IL2RA: variants seen among roughly 807,000 people sequenced by gnomAD.
IL2RA encodes the protein interleukin-2 receptor subunit alpha.
In IL2RA, 24 loss-of-function variants were observed where a neutral mutation model predicts 37.8. The ratio of observed to expected loss-of-function variants is 0.63; its 90% CI spans 0.46 to 0.89. The LOEUF (loss-of-function observed/expected upper bound fraction) is 0.89. IL2RA is among the 40% of genes least tolerant of loss of function. The pLI is 0.00. For synonymous variants in IL2RA, 125 were observed against 114.6 expected, an observed-to-expected ratio of 1.09 and a Z score of -0.58; for missense variants, 319 against 348.6, an observed-to-expected ratio of 0.92 and a Z score of 0.68.
Position 6,020,093 on chromosome 10 carries a change from G to A in IL2RA, c.584-152C>T, listed in dbSNP as rs1165547112. The A allele has an allele frequency of 1.5e-6, 1 of 670,698 alleles. No individual in the cohort carries two copies. Among genetic ancestry groups the A allele is most frequent in the Non-Finnish European group, 2.7e-6 (1 of 370,496 alleles). The allele number at this position is 670,698 out of a possible 1,614,324, so 41.5% of individuals were successfully genotyped here. On this transcript the variant is annotated intron_variant, in intron 4 of 7. Transcript: ENST00000379959. This position sits in a 1 kb window ranked among gnomAD's most constrained non-coding sequence, Gnocchi z 5.6. Reference sequence around the variant, plus strand: ...TTCGCCAGGGATGCCACCCCTCATGGTTCCACAGCAGGGGCACTGGGAAGC... The same window carrying A: ...TTCGCCAGGGATGCCACCCCTCATGATTCCACAGCAGGGGCACTGGGAAGC...
At chr10:6,043,818 G>A (rs966308588) in intron 1 of IL2RA, among the ~76,000 whole-genome samples, 3 of 152,284 alleles carry the variant, frequency 2.0e-5, no homozygotes, top group Middle Eastern at 3.4e-3. Flanking sequence ...CTGATGATGG[G>A]CACATGTTGG....
intron 1 of IL2RA, among the ~76,000 whole-genome samples, chr10:6,050,442 G>T (rs1839931906): frequency 6.6e-6 from 1 of 152,128 alleles, no homozygotes; most frequent in Non-Finnish European, 1.5e-5. Context: ...TTTGAGACCA[G>T]CCTGGCCAAC....
At position 6,019,512 on chromosome 10, in the gene IL2RA, G is replaced by A; in HGVS notation, c.656-13C>T. ...TGTATTTGAAAATCTGTGAAAAAGA[G>A]ATAAAGAGAGACACTCCTGCTACCG... On this transcript the variant is annotated splice_polypyrimidine_tract_variant and intron_variant, in intron 5 of 7. Transcript: ENST00000379959. 1 of 1,592,634 alleles carries A rather than the reference G, an allele frequency of 6.3e-7. No homozygotes were observed. Among genetic ancestry groups the A allele is most frequent in the Non-Finnish European group, 8.6e-7 (1 of 1,160,378 alleles).
At chr10:6,023,673 G>A (rs7913476) in intron 3 of IL2RA, among the ~76,000 whole-genome samples, 147,503 of 152,354 alleles carry the variant, frequency 0.97, 71,586 homozygotes, top group East Asian at 1. Context: ...CAATTCAGTC[G>A]TGGGAAAGCA....
In IL2RA at chr10:6,012,634, G is replaced by A. The variant is rs1043477456; in HGVS notation, c.*238C>T. The A allele has an allele frequency of 5.7e-5, 34 of 594,768 alleles. No individual in the cohort carries two copies. Among genetic ancestry groups the A allele is most frequent in the Non-Finnish European group, 7.8e-5 (26 of 331,858 alleles). 36.8% of individuals were successfully genotyped at this position (594,768 alleles called of 1,614,324 possible). A position where few individuals can be genotyped will look rare whatever the true frequency, so the allele number is the denominator to read the frequency against. On this transcript the variant is annotated 3_prime_UTR_variant, in exon 8 of 8. Coordinates refer to ENST00000379959, the MANE Select transcript of IL2RA (RefSeq NM_000417.3). This position sits in a 1 kb window ranked among gnomAD's most constrained non-coding sequence, Gnocchi z 4.8. ...AGTGGTTTTGCCCTTCCTCTTCAAC[G>A]GCGAAATTGCTATTTAGAAGTGGGT...
Position 6,028,248 on chromosome 10 carries a change from A to C in IL2RA, c.65-2223T>G, listed in dbSNP as rs1031789936. 1.9e-4 allele frequency among the ~76,000 whole-genome samples: 29 copies of C among 152,266 alleles called. No homozygotes were observed. Among genetic ancestry groups the C allele is most frequent in the African/African-American group, 7.0e-4 (29 of 41,544 alleles). Reference sequence around the variant, plus strand: ...AGGACACTGCATGAAGGTCGCCCCAAAATTATGTATAGGGGTCCACCTCAG... The same window carrying C: ...AGGACACTGCATGAAGGTCGCCCCACAATTATGTATAGGGGTCCACCTCAG... On this transcript the variant is annotated intron_variant, in intron 1 of 7. Coordinates refer to ENST00000379959, the MANE Select transcript of IL2RA (RefSeq NM_000417.3). The surrounding 1 kb of genome is among the most constrained non-coding windows in gnomAD (Gnocchi z 4.1).
rs1839659473 is a variant in IL2RA, at chr10:6,035,079, C to T, written c.65-9054G>A. 6.6e-6 allele frequency among the ~76,000 whole-genome samples: 1 copy of T among 152,188 alleles called. No homozygotes were observed. Among genetic ancestry groups the T allele is most frequent in the Non-Finnish European group, 1.5e-5 (1 of 68,026 alleles). ...AACACTCAAGGCTTAGAAATTGGGG[C>T]TCCCCACCCTGCACTAGGGTCTCAC... On this transcript the variant is annotated intron_variant, in intron 1 of 7. Transcript: ENST00000379959. The surrounding 1 kb of genome is among the most constrained non-coding windows in gnomAD (Gnocchi z 5.4).
rs1839668638 is a variant in IL2RA, at chr10:6,035,663, T to C, written c.65-9638A>G. 6.6e-6 allele frequency among the ~76,000 whole-genome samples: 1 copy of C among 152,210 alleles called. No individual in the cohort carries two copies. The highest frequency in any genetic ancestry group is 1.9e-4 in the East Asian group (1 of 5,196). The stretch of plus-strand genomic sequence containing the variant: ...CTTCCTCTTTAGTTTTTGTGCCTTT[T>C]ATGTGGGCAGAGGGAAAAAGAGACA... On this transcript the variant is annotated intron_variant, in intron 1 of 7. Transcript: ENST00000379959. The surrounding 1 kb of genome is among the most constrained non-coding windows in gnomAD (Gnocchi z 5.4).
chr10:6,030,885 A>ACC, intron 1 of IL2RA, among the ~76,000 whole-genome samples: 1 of 152,316 alleles, frequency 6.6e-6, no homozygotes, highest in African/African-American at 2.4e-5. Flanking sequence ...AGGTTTTTAT[A>ACC]TCATATAGAA....
rs1839749560 is a variant in IL2RA, at chr10:6,040,161, T to C, written c.65-14136A>G. On this transcript the variant is annotated intron_variant, in intron 1 of 7. Coordinates refer to ENST00000379959, the MANE Select transcript of IL2RA (RefSeq NM_000417.3). ...TGTAAAATGCTCCACAAATTTTGAT[T>C]GTTGCTACAATGACCTCTTGAGCGG... Among the ~76,000 whole-genome samples the C allele has an allele frequency of 3.9e-5, 6 of 152,366 alleles. No homozygotes were observed. In the Middle Eastern group the frequency reaches 0.02, roughly 518 times the overall value.
In IL2RA at chr10:6,046,619, T is replaced by C. The variant is rs1839865175; in HGVS notation, c.64+15469A>G. 6.6e-6 allele frequency among the ~76,000 whole-genome samples: 1 copy of C among 152,150 alleles called. No individual in the cohort carries two copies. Among genetic ancestry groups the C allele is most frequent in the Non-Finnish European group, 1.5e-5 (1 of 68,030 alleles). ...GTCTTTGTATTCATCTGTGAGTGGG[T>C]CAAAATGCCTGTCTGCTGCCCTGGC... On this transcript the variant is annotated intron_variant, in intron 1 of 7. Transcript: ENST00000379959. This position sits in a 1 kb window ranked among gnomAD's most constrained non-coding sequence, Gnocchi z 4.8.
chr10:6,049,402 C>G (rs1374265305), intron 1 of IL2RA, among the ~76,000 whole-genome samples: 1 of 152,196 alleles, frequency 6.6e-6, no homozygotes, highest in East Asian at 1.9e-4. Context: ...CTATTCAATT[C>G]AAATGCTAGT....
In IL2RA at chr10:6,024,238, T is replaced by C. The variant is rs760755087; in HGVS notation, c.367+6A>G. ...GAGTTAGCTGGAGGACAGATTCATC[T>C]CTCACCTGGAAGGCTCGCTTGGTCC... On this transcript the variant is annotated splice_donor_region_variant and intron_variant, in intron 3 of 7. Coordinates refer to ENST00000379959, the MANE Select transcript of IL2RA (RefSeq NM_000417.3). 7 of 1,592,392 alleles carry C rather than the reference T, an allele frequency of 4.4e-6. No homozygotes were observed. The South Asian group carries it at 7.7e-5, about 18-fold the overall frequency.
intron 1 of IL2RA, among the ~76,000 whole-genome samples, chr10:6,040,313 T>C (rs1331037215): frequency 1.3e-5 from 2 of 152,254 alleles, no homozygotes; most frequent in African/African-American, 2.4e-5. Context: ...TTTGAATTCA[T>C]ATTCTAAGAA....
Position 6,062,212 on chromosome 10 carries a change from C to G in IL2RA, c.-61G>C, listed in dbSNP as rs1344522667. The G allele has an allele frequency of 7.1e-7, 1 of 1,409,320 alleles. No homozygotes were observed. Among genetic ancestry groups the G allele is most frequent in the Non-Finnish European group, 1.0e-6 (1 of 994,364 alleles). The allele number at this position is 1,409,320 out of a possible 1,614,324, so 87.3% of individuals were successfully genotyped here. A position where few individuals can be genotyped will look rare whatever the true frequency, so the allele number is the denominator to read the frequency against. Reference sequence around the variant, plus strand: ...CGGAGGTCTTTCTCTGCAGAAGGCCCAGTTGCCGTCAGCCTCTTTTTGGCA... The same window carrying G: ...CGGAGGTCTTTCTCTGCAGAAGGCCGAGTTGCCGTCAGCCTCTTTTTGGCA... On this transcript the variant is annotated 5_prime_UTR_variant, in exon 1 of 8. Coordinates refer to ENST00000379959, the MANE Select transcript of IL2RA (RefSeq NM_000417.3).
At position 6,054,753 on chromosome 10, in the gene IL2RA, T is replaced by C. The variant is rs1840016576; in HGVS notation, c.64+7335A>G. On this transcript the variant is annotated intron_variant, in intron 1 of 7. Coordinates refer to ENST00000379959, the MANE Select transcript of IL2RA (RefSeq NM_000417.3). This position sits in a 1 kb window ranked among gnomAD's most constrained non-coding sequence, Gnocchi z 4.5. Reference sequence around the variant, plus strand: ...GTCCCAGGGCCACCTTCTCTGAGAATTTTTTTTCTAGTTCTCCAGGTAGCA... The same window carrying C: ...GTCCCAGGGCCACCTTCTCTGAGAACTTTTTTTCTAGTTCTCCAGGTAGCA... Among the ~76,000 whole-genome samples, 1 of 152,060 alleles carries C rather than the reference T, an allele frequency of 6.6e-6. No homozygotes were observed. Among genetic ancestry groups the C allele is most frequent in the African/African-American group, 2.4e-5 (1 of 41,392 alleles).
intron 1 of IL2RA, among the ~76,000 whole-genome samples, chr10:6,051,845 A>ATATATATAT (rs1224861012): frequency 5.6e-4 from 63 of 111,778 alleles, no homozygotes; most frequent in East Asian, 1.3e-3. Context: ...ATATATATAG[A>ATATATATAT]ATTTTTTAAG....
At chr10:6,027,762 C>T (rs924380451) in intron 1 of IL2RA, among the ~76,000 whole-genome samples, 4 of 152,146 alleles carry the variant, frequency 2.6e-5, no homozygotes, top group African/African-American at 9.7e-5. Context: ...AGAGACTGGA[C>T]TGAAGTTTAC....
rs1011306493 is a variant in IL2RA at position 6,036,173 on chromosome 10, T to C, written c.65-10148A>G. ...AAGATTCAACTTCTCTGTCTCTTTGTGTGCCCGCTAGAAAGGGAAAAGCCA... is the reference window on the plus strand; with the variant it reads ...AAGATTCAACTTCTCTGTCTCTTTGCGTGCCCGCTAGAAAGGGAAAAGCCA... On this transcript the variant is annotated intron_variant, in intron 1 of 7. Transcript: ENST00000379959. The surrounding 1 kb of genome is among the most constrained non-coding windows in gnomAD (Gnocchi z 6.1). 6.6e-6 allele frequency: 1 copy of C among 152,262 alleles called. No homozygotes were observed. Among genetic ancestry groups the C allele is most frequent in the Non-Finnish European group, 1.5e-5 (1 of 68,060 alleles). The allele number at this position is 152,262 out of a possible 1,614,324, so 9.4% of individuals were successfully genotyped here.
Sources: allele counts gnomAD v4.1 joint callset (sites outside exome capture counted in the v4.1 genomes callset), GRCh38; gene constraint gnomAD v4.1.1; non-coding constraint Gnocchi (gnomAD v3.1); transcripts MANE v1.5; gene names NCBI Gene and HGNC (gene_info 2026-07-23, HGNC 2026-07-21).